ZNF469: variants seen among roughly 807,000 people sequenced by gnomAD.
ZNF469 encodes the protein zinc finger protein 469.
A neutral mutation model predicts 1.0 loss-of-function variants in ZNF469; 1 was observed. The observed-to-expected ratio is 1.00, with a 90% CI of 0.35 to 4.73. The LOEUF (loss-of-function observed/expected upper bound fraction) is 4.73, where lower values mean the gene tolerates loss of function less well. Among genes scored for constraint, ZNF469 ranks in the 30% most tolerant of loss-of-function variants. The probability of loss-of-function intolerance (pLI) is 0.16; values close to 1 mark genes in which losing one functional copy is unlikely to be tolerated. For synonymous variants in ZNF469, 2,703 were observed against 2,363.4 expected (o/e 1.14, Z -4.17); for missense variants, 6,100 against 5,356.3 (o/e 1.14, Z -4.33).
the ZNF469 span, among the ~76,000 whole-genome samples, chr16:88,358,039 C>T: frequency 6.6e-5 from 10 of 152,344 alleles, no homozygotes; most frequent in South Asian, 2.1e-3. Context: ...CACATGGACA[C>T]GCGGGGGGCT....
intron 1 of ZNF469, among the ~76,000 whole-genome samples, chr16:88,397,630 T>TAAATAA (rs1481341684): frequency 0.024 from 2,088 of 88,626 alleles, 33 homozygotes; most frequent in African/African-American, 0.076. Flanking sequence ...GGTGGATGGA[T>TAAATAA]GGATGGATGG....
chr16:88,121,613 A>C, the ZNF469 span, among the ~76,000 whole-genome samples: 17 of 152,316 alleles, frequency 1.1e-4, no homozygotes, highest in African/African-American at 3.6e-4. Context: ...AGTAGGCAAA[A>C]TTCCATACAT....
the ZNF469 span, among the ~76,000 whole-genome samples, chr16:88,246,935 ATGAG>A: frequency 2.7e-3 from 396 of 148,796 alleles, 1 homozygote; most frequent in African/African-American, 9.5e-3. Flanking sequence ...GAGTGAGTGA[ATGAG>A]TAAGTGAATG....
At chr16:88,415,489 C>G (rs748515536) in intron 1 of ZNF469, among the ~76,000 whole-genome samples, 2 of 152,248 alleles carry the variant, frequency 1.3e-5, no homozygotes, top group African/African-American at 4.8e-5. Context: ...CATTTTACAG[C>G]TGAACACACT....
chr16:88,240,768 G>A, the ZNF469 span, among the ~76,000 whole-genome samples: 1 of 152,162 alleles, frequency 6.6e-6, no homozygotes, highest in Admixed American at 6.5e-5. Context: ...GGGCAACCGC[G>A]AGTTGGTTTG....
the ZNF469 span, among the ~76,000 whole-genome samples, chr16:88,173,500 T>G: frequency 6.6e-6 from 1 of 152,196 alleles, no homozygotes; most frequent in African/African-American, 2.4e-5. Flanking sequence ...CATTTCTTTA[T>G]TTTTCTTCTT....
the ZNF469 span, among the ~76,000 whole-genome samples, chr16:88,226,467 C>T: frequency 2.0e-5 from 3 of 152,128 alleles, no homozygotes; most frequent in Non-Finnish European, 4.4e-5. Flanking sequence ...GCAGACCCTT[C>T]CCAGCGCCTC....
the ZNF469 span, among the ~76,000 whole-genome samples, chr16:88,228,272 C>G: frequency 6.6e-6 from 1 of 152,228 alleles, no homozygotes; most frequent in African/African-American, 2.4e-5. Flanking sequence ...TCGCAGGCTC[C>G]GAGCAACGGG....
At chr16:88,311,315 C>T in the ZNF469 span, among the ~76,000 whole-genome samples, 13 of 152,242 alleles carry the variant, frequency 8.5e-5, no homozygotes, top group African/African-American at 3.1e-4. Flanking sequence ...CTGCAGGTCC[C>T]CAGGCTTTTA....
chr16:88,237,367 G>C, the ZNF469 span, among the ~76,000 whole-genome samples: 5 of 378 alleles, frequency 0.013, no homozygotes, highest in African/African-American at 0.014. Flanking sequence ...GCTCCTGCCA[G>C]TCACCCTCCC....
the ZNF469 span, among the ~76,000 whole-genome samples, chr16:88,133,774 C>G: frequency 6.6e-6 from 1 of 152,136 alleles, no homozygotes; most frequent in Admixed American, 6.5e-5. Context: ...CTCGACCTGG[C>G]TTTCTGATTG....
chr16:88,115,464 A>C, the ZNF469 span, among the ~76,000 whole-genome samples: 1 of 151,926 alleles, frequency 6.6e-6, no homozygotes, highest in Non-Finnish European at 1.5e-5. Context: ...CACAGTGCAC[A>C]TGACCCGGTC....
chr16:88,153,078 T>G, the ZNF469 span, among the ~76,000 whole-genome samples: 1 of 152,158 alleles, frequency 6.6e-6, no homozygotes, highest in Non-Finnish European at 1.5e-5. Flanking sequence ...GGATATTTCT[T>G]TCTGAACTCC....
chr16:88,439,505 G>A lies in ZNF469; in HGVS notation c.*173G>A. On this transcript the variant is annotated 3_prime_UTR_variant, in exon 3 of 3. Coordinates refer to ENST00000565624, the MANE Select transcript of ZNF469 (RefSeq NM_001367624.2). ...GTGATGCTTTGAACAGGGCCCAGGT[G>A]GGCAGCATTCCCTTTCTTGCTGGAA... is the stretch of plus-strand genomic sequence containing the variant. The A allele has an allele frequency of 5.4e-6, 4 of 735,334 alleles. No homozygotes were observed. In the South Asian group the frequency reaches 5.5e-5, roughly 10 times the overall value. 45.6% of individuals were successfully genotyped at this position (735,334 alleles called of 1,614,324 possible).
At chr16:88,152,385 G>A in the ZNF469 span, among the ~76,000 whole-genome samples, 1 of 152,184 alleles carries the variant, frequency 6.6e-6, no homozygotes, top group Admixed American at 6.5e-5. This position sits in a 1 kb window ranked among gnomAD's most constrained non-coding sequence, Gnocchi z 4.2. Flanking sequence ...TTCTGGGGCT[G>A]GGGGAGCGCA....
chr16:88,225,666 G>A, the ZNF469 span, among the ~76,000 whole-genome samples: 4 of 152,144 alleles, frequency 2.6e-5, no homozygotes, highest in Non-Finnish European at 5.9e-5. Context: ...TGAGGGTGTG[G>A]CCTCGTGGGT....
the ZNF469 span, among the ~76,000 whole-genome samples, chr16:88,350,846 G>C: frequency 6.6e-6 from 1 of 152,224 alleles, no homozygotes; most frequent in Admixed American, 6.5e-5. Flanking sequence ...GCAAGAAACA[G>C]ATTCTCCCCA....
At chr16:88,239,697 ATATATATATATATATATATTTTTTTTT>A in the ZNF469 span, among the ~76,000 whole-genome samples, 31 of 6,568 alleles carry the variant, frequency 4.7e-3, 2 homozygotes, top group Middle Eastern at 0.12. Flanking sequence ...ATATATATAT[ATATATATATATATATATATTTTTTTTT>A]TTTTTTTTTT....
chr16:88,143,903 G>C, the ZNF469 span, among the ~76,000 whole-genome samples: 1 of 152,192 alleles, frequency 6.6e-6, no homozygotes, highest in African/African-American at 2.4e-5. Context: ...CTATTTCCCT[G>C]TGTTCGCTGC....
Sources: gnomAD v4.1 joint callset for allele counts (sites outside exome capture counted in the v4.1 genomes callset) on GRCh38, gnomAD v4.1.1 for gene constraint, Gnocchi (gnomAD v3.1) non-coding constraint, MANE v1.5 for transcripts, NCBI Gene and HGNC (gene_info 2026-07-23, HGNC 2026-07-21) for gene names.